The following PSPC1 variants were observed in gnomAD, a reference collection of about 807,000 sequenced individuals.
The protein encoded by PSPC1 is paraspeckle protein 1.
A neutral mutation model predicts 51.6 loss-of-function variants in PSPC1; 14 were observed. That is an observed-to-expected ratio of 0.27 (90% confidence interval 0.18 to 0.42). The LOEUF (loss-of-function observed/expected upper bound fraction) is 0.42. PSPC1 is among the 10% of genes least tolerant of loss of function. PSPC1 has a pLI of 1.00. For missense variants in PSPC1, 406 were observed against 701.1 expected, an observed-to-expected ratio of 0.58 and a Z score of 4.75; for synonymous variants, 193 against 231.9, an observed-to-expected ratio of 0.83 and a Z score of 1.53.
intron 6 of PSPC1, among the ~76,000 whole-genome samples, chr13:19,695,934 T>A (rs1879168964): frequency 2.6e-5 from 4 of 152,114 alleles, no homozygotes. Flanking sequence ...CTCATTAGGC[T>A]GCCTGAGAAT....
intron 1 of PSPC1, among the ~76,000 whole-genome samples, chr13:19,775,151 G>A (rs943995909): frequency 6.6e-6 from 1 of 151,882 alleles, no homozygotes; most frequent in East Asian, 1.9e-4. Context: ...AGCCTAGCCA[G>A]CATAGTGAAA....
At chr13:19,671,888 G>C, downstream of PSPC1, 1 of 1,613,594 alleles carries the variant, frequency 6.2e-7, no homozygotes. Context: ...AAACAGAAGG[G>C]ACTGGGCGGA....
chr13:19,758,211 G>A (rs1318233628), intron 3 of PSPC1, among the ~76,000 whole-genome samples: 1 of 152,000 alleles, frequency 6.6e-6, no homozygotes, highest in Non-Finnish European at 1.5e-5. Flanking sequence ...TACTCGGGAG[G>A]CTGAGGCAGG....
chr13:19,699,984 G>T (rs1003472903), downstream of PSPC1, among the ~76,000 whole-genome samples: 1 of 151,854 alleles, frequency 6.6e-6, no homozygotes, highest in African/African-American at 2.4e-5. Flanking sequence ...AAATGATGTG[G>T]CCCATTTATT....
intron 2 of PSPC1, among the ~76,000 whole-genome samples, chr13:19,761,883 C>T (rs142897520): frequency 1.0e-3 from 154 of 152,224 alleles, no homozygotes; most frequent in African/African-American, 3.6e-3. Context: ...AACAAGCAAA[C>T]CCCTCCAGTA....
rs762773600 is a variant in PSPC1 at position 19,782,764 on chromosome 13, G to A, written c.-7C>T. On this transcript the variant is annotated 5_prime_UTR_variant, in exon 1 of 9. Coordinates refer to ENST00000338910, the MANE Select transcript of PSPC1 (RefSeq NM_001354909.2). This position sits in a 1 kb window ranked among gnomAD's most constrained non-coding sequence, Gnocchi z 4.5. The stretch of plus-strand genomic sequence containing the variant: ...GGTTTCCTCTTAACATCATCTTACT[G>A]AGTTCGCCTCGGACACCGGATACAG... The A allele has an allele frequency of 3.9e-6, 6 of 1,536,948 alleles. No homozygotes were observed.
chr13:19,687,700 G>A (rs965312020), intron 6 of PSPC1, among the ~76,000 whole-genome samples: 13 of 85,484 alleles, frequency 1.5e-4, no homozygotes, highest in Admixed American at 1.3e-4. Context: ...ATCACTCCAC[G>A]TCTTGATTTC....
At chr13:19,718,024 CAG>C (rs1882330795) in intron 6 of PSPC1, among the ~76,000 whole-genome samples, 1 of 151,898 alleles carries the variant, frequency 6.6e-6, no homozygotes, top group African/African-American at 2.4e-5. Flanking sequence ...GCCTGGGTGA[CAG>C]AATGAGACCT....
intron 4 of PSPC1, among the ~76,000 whole-genome samples, chr13:19,742,225 G>A (rs1285851291): frequency 7.1e-6 from 1 of 141,390 alleles, no homozygotes; most frequent in African/African-American, 2.6e-5. Context: ...ACTTTGGGAA[G>A]CCCAGGTGGG....
intron 6 of PSPC1, among the ~76,000 whole-genome samples, chr13:19,710,948 C>T (rs1881325130): frequency 6.6e-6 from 1 of 152,008 alleles, no homozygotes; most frequent in African/African-American, 2.4e-5. Flanking sequence ...AGTGATCCTC[C>T]TGCCTCAGCT....
intron 6 of PSPC1, among the ~76,000 whole-genome samples, chr13:19,728,437 TAAACACACACACACACAC>T (rs1392759654): frequency 6.0e-5 from 5 of 83,720 alleles, no homozygotes; most frequent in African/African-American, 2.5e-4. Flanking sequence ...TTTCAAAGCT[TAAACACACACACACACAC>T]ACACACACAC....
Position 19,782,857 on chromosome 13 carries a change from T to A in PSPC1, c.-100A>T. 1 of 1,313,114 alleles carries A rather than the reference T, an allele frequency of 7.6e-7. No individual in the cohort carries two copies. Among genetic ancestry groups the A allele is most frequent in the Non-Finnish European group, 9.8e-7 (1 of 1,020,810 alleles). 81.3% of individuals were successfully genotyped at this position (1,313,114 alleles called of 1,614,324 possible). ...TCTACATAAACCTATGCCAACAAAA[T>A]ATCGACAATCAAGAGACCGCTAGGT... On this transcript the variant is annotated 5_prime_UTR_variant, in exon 1 of 9. Transcript: ENST00000338910. The surrounding 1 kb of genome is among the most constrained non-coding windows in gnomAD (Gnocchi z 4.5).
chr13:19,678,304 C>G (rs1192248080), intron 6 of PSPC1: 1 of 154,426 alleles, frequency 6.5e-6, no homozygotes, highest in Non-Finnish European at 1.4e-5. Flanking sequence ...GTGTGTCGTG[C>G]TCCATCAGAA....
At chr13:19,732,686 G>A (rs1884263895) in intron 5 of PSPC1, among the ~76,000 whole-genome samples, 1 of 152,128 alleles carries the variant, frequency 6.6e-6, no homozygotes, top group Admixed American at 6.5e-5. Context: ...CCACACTTTG[G>A]GAGCCTGAGG....
At chr13:19,730,024 A>T (rs1883851278) in intron 6 of PSPC1, among the ~76,000 whole-genome samples, 1 of 152,214 alleles carries the variant, frequency 6.6e-6, no homozygotes, top group Admixed American at 6.5e-5. Flanking sequence ...TAATAGGAAA[A>T]AATATAACAT....
intron 6 of PSPC1, among the ~76,000 whole-genome samples, chr13:19,714,227 T>A (rs1749098719): frequency 6.6e-6 from 1 of 152,178 alleles, no homozygotes; most frequent in Admixed American, 6.5e-5. Context: ...ATAATTGAGG[T>A]GCATGTTGAA....
intron 6 of PSPC1, among the ~76,000 whole-genome samples, chr13:19,718,433 C>T (rs1018466357): frequency 6.6e-6 from 1 of 152,140 alleles, no homozygotes; most frequent in Non-Finnish European, 1.5e-5. Context: ...AATGAGACAG[C>T]ACTACAAAAC....
At chr13:19,718,377 T>C (rs1375958681) in intron 6 of PSPC1, among the ~76,000 whole-genome samples, 1 of 152,214 alleles carries the variant, frequency 6.6e-6, no homozygotes, top group African/African-American at 2.4e-5. Flanking sequence ...TTACATCGTA[T>C]GCCATTGATA....
intron 6 of PSPC1, among the ~76,000 whole-genome samples, chr13:19,728,249 T>A (rs1350397095): frequency 2.6e-5 from 4 of 152,162 alleles, no homozygotes; most frequent in African/African-American, 9.7e-5. Flanking sequence ...AAAAGTCCCA[T>A]AACTCTTAGT....
Sources: gnomAD v4.1 joint callset for allele counts (sites outside exome capture counted in the v4.1 genomes callset) on GRCh38, gnomAD v4.1.1 for gene constraint, Gnocchi (gnomAD v3.1) non-coding constraint, MANE v1.5 for transcripts, NCBI Gene and HGNC (gene_info 2026-07-23, HGNC 2026-07-21) for gene names.